Variants in RBFOX1 observed in about 807,000 individuals in gnomAD.
The protein encoded by RBFOX1 is RNA binding fox-1 homolog 1.
Under a neutral mutation model 57.7 loss-of-function variants are expected in RBFOX1, and 8 were observed. That is an observed-to-expected ratio of 0.14 (90% CI 0.08 to 0.25). The LOEUF (loss-of-function observed/expected upper bound fraction) is 0.25, where lower values mean the gene tolerates loss of function less well. Ranked by LOEUF, RBFOX1 falls within the 10% of genes least tolerant of loss-of-function variation. RBFOX1 has a pLI of 1.00. For missense variants in RBFOX1, 611 were observed against 548.5 expected, an observed-to-expected ratio of 1.11 and a Z score of -1.14; for synonymous variants, 326 against 222.4, an observed-to-expected ratio of 1.47 and a Z score of -4.15.
At chr16:6,979,768 C>G (rs1476900085) in intron 3 of RBFOX1, among the ~76,000 whole-genome samples, 1 of 152,228 alleles carries the variant, frequency 6.6e-6, no homozygotes, top group East Asian at 1.9e-4. Flanking sequence ...TCTAAAAATG[C>G]AAAAATCATC....
chr16:6,636,411 C>A (rs1435797591), intron 2 of RBFOX1, among the ~76,000 whole-genome samples: 1 of 152,028 alleles, frequency 6.6e-6, no homozygotes, highest in Non-Finnish European at 1.5e-5. Context: ...ACTTCGTGAT[C>A]AGCCCGGCTC....
At chr16:6,375,211 T>A (rs1433222823) in intron 2 of RBFOX1, among the ~76,000 whole-genome samples, 1 of 152,100 alleles carries the variant, frequency 6.6e-6, no homozygotes, top group Non-Finnish European at 1.5e-5. Flanking sequence ...TCTGTGAACT[T>A]CATGGGTGGC....
intron 12 of RBFOX1, 141 bp from the exon 13 acceptor site, chr16:7,664,788 C>T (rs1444704738): frequency 6.6e-6 from 10 of 1,516,338 alleles, no homozygotes; most frequent in Non-Finnish European, 9.0e-6. Flanking sequence ...CTCCAACCTC[C>T]TTAATCCAAT....
chr16:7,343,359 A>C (rs970879582), intron 4 of RBFOX1, among the ~76,000 whole-genome samples: 1 of 152,012 alleles, frequency 6.6e-6, no homozygotes, highest in African/African-American at 2.4e-5. Context: ...GGAGCATGGG[A>C]CTCCAGAACA....
At chr16:6,780,348 TAC>T (rs2080662700) in intron 3 of RBFOX1, among the ~76,000 whole-genome samples, 5 of 99,362 alleles carry the variant, frequency 5.0e-5, no homozygotes, top group Admixed American at 1.6e-4. Context: ...CATATTTATA[TAC>T]ATATTTATAT....
At chr16:7,179,798 G>C (rs2152513462) in intron 4 of RBFOX1, among the ~76,000 whole-genome samples, 1 of 152,050 alleles carries the variant, frequency 6.6e-6, no homozygotes, top group Admixed American at 6.5e-5. Flanking sequence ...GCAGTGGCAT[G>C]ATCTCGGCTC....
At chr16:6,835,180 C>G (rs191662152) in intron 3 of RBFOX1, among the ~76,000 whole-genome samples, 13 of 152,152 alleles carry the variant, frequency 8.5e-5, no homozygotes, top group African/African-American at 2.9e-4. Flanking sequence ...GGATCACAGG[C>G]GTGAGCCACC....
At chr16:6,074,085 A>C (rs1725216687) in intron 1 of RBFOX1, among the ~76,000 whole-genome samples, 1 of 152,036 alleles carries the variant, frequency 6.6e-6, no homozygotes, top group Non-Finnish European at 1.5e-5. Context: ...AGTAGCTGGG[A>C]CTATAGGCGC....
At chr16:6,884,527 A>G (rs994783093) in intron 3 of RBFOX1, among the ~76,000 whole-genome samples, 19 of 152,182 alleles carry the variant, frequency 1.2e-4, no homozygotes, top group African/African-American at 4.6e-4. Context: ...GACATGTTAC[A>G]TGTACATCAT....
At chr16:6,567,975 C>T (rs376216877) in intron 2 of RBFOX1, among the ~76,000 whole-genome samples, 28 of 152,226 alleles carry the variant, frequency 1.8e-4, no homozygotes, top group African/African-American at 6.7e-4. Context: ...CGCATGCCAC[C>T]ATGCCAGGCT....
rs928850300 is a variant in RBFOX1, at chr16:5,378,401, C to T, written c.220-88815C>T. Among the ~76,000 whole-genome samples the T allele has an allele frequency of 5.9e-5, 9 of 151,636 alleles. 1 individual carries two copies. Among genetic ancestry groups the T allele is most frequent in the African/African-American group, 2.2e-4 (9 of 40,870 alleles). ...TCGTTTCCACTCCACCCAGCCCGCC[C>T]AGGATCGGGGAGTTAGCCTCCCTTC... is the stretch of plus-strand genomic sequence containing the variant. On this transcript the variant is annotated intron_variant, in intron 1 of 2. Transcript: ENST00000585867.
At chr16:7,274,747 C>G (rs1463042294) in intron 4 of RBFOX1, among the ~76,000 whole-genome samples, 1 of 151,974 alleles carries the variant, frequency 6.6e-6, no homozygotes, top group Non-Finnish European at 1.5e-5. Flanking sequence ...TGCAGTAAGA[C>G]AATCTTAGCT....
intron 2 of RBFOX1, among the ~76,000 whole-genome samples, chr16:6,360,524 T>A (rs576028847): frequency 2.6e-5 from 4 of 152,322 alleles, no homozygotes; most frequent in African/African-American, 9.6e-5. Flanking sequence ...TACACAGTCT[T>A]GAAAGTCTCT....
intron 3 of RBFOX1, among the ~76,000 whole-genome samples, chr16:5,733,600 A>T (rs751621227): frequency 1.3e-5 from 2 of 152,092 alleles, no homozygotes; most frequent in Non-Finnish European, 2.9e-5. Flanking sequence ...CAGCATGGTC[A>T]CCTAGTCCCC....
At chr16:7,432,997 G>A (rs1346759771) in intron 4 of RBFOX1, among the ~76,000 whole-genome samples, 1 of 152,200 alleles carries the variant, frequency 6.6e-6, no homozygotes, top group African/African-American at 2.4e-5. Context: ...AAACAGGGAA[G>A]GAGGTTTATA....
At chr16:6,923,416 C>A (rs962156273) in intron 3 of RBFOX1, among the ~76,000 whole-genome samples, 8 of 152,140 alleles carry the variant, frequency 5.3e-5, no homozygotes, top group Non-Finnish European at 7.4e-5. Flanking sequence ...ACTTGTAATT[C>A]CAGCTACTTG....
At chr16:7,424,631 C>G (rs549970978) in intron 4 of RBFOX1, among the ~76,000 whole-genome samples, 2 of 152,276 alleles carry the variant, frequency 1.3e-5, no homozygotes, top group Admixed American at 6.5e-5. Flanking sequence ...TAGCTGTTCA[C>G]AAGGTACATA....
intron 4 of RBFOX1, among the ~76,000 whole-genome samples, chr16:5,920,594 C>G (rs983358063): frequency 6.6e-6 from 1 of 152,104 alleles, no homozygotes; most frequent in Non-Finnish European, 1.5e-5. Flanking sequence ...CCAGGCAGCT[C>G]TGTACTGGGC....
At chr16:6,798,012 ATGATGATGATGG>A (rs1388979663) in intron 3 of RBFOX1, among the ~76,000 whole-genome samples, 5 of 152,120 alleles carry the variant, frequency 3.3e-5, no homozygotes, top group African/African-American at 1.2e-4. Flanking sequence ...AGGGATGATG[ATGATGATGATGG>A]TGATGATGAA....
Sources: gnomAD v4.1 joint callset for allele counts (sites outside exome capture counted in the v4.1 genomes callset) on GRCh38, gnomAD v4.1.1 for gene constraint, MANE v1.5 for transcripts, NCBI Gene and HGNC (gene_info 2026-07-23, HGNC 2026-07-21) for gene names.